The following BMP6 variants were observed in gnomAD, a reference collection of about 807,000 sequenced individuals.
The protein encoded by BMP6 is VG-1-R.
In BMP6, 17 loss-of-function variants were observed where a neutral mutation model predicts 54.1. The ratio of observed to expected loss-of-function variants is 0.31; its 90% CI spans 0.22 to 0.47. The LOEUF (loss-of-function observed/expected upper bound fraction) is 0.47, where lower values mean the gene tolerates loss of function less well. Among genes scored for constraint, BMP6 ranks in the 20% least tolerant of loss-of-function variants. The pLI is 1.00. For synonymous variants in BMP6, 328 were observed against 291.2 expected (o/e 1.13, Z -1.28); for missense variants, 720 against 690.4 (o/e 1.04, Z -0.48).
chr6:7,876,646 T>A (rs1759622028), intron 4 of BMP6, among the ~76,000 whole-genome samples: 3 of 152,246 alleles, frequency 2.0e-5, no homozygotes, highest in African/African-American at 7.2e-5. Flanking sequence ...GTATAACTAA[T>A]CTGTTAAGTA....
intron 4 of BMP6, among the ~76,000 whole-genome samples, chr6:7,874,475 G>A (rs1383607595): frequency 6.6e-6 from 1 of 152,182 alleles, no homozygotes; most frequent in African/African-American, 2.4e-5. Flanking sequence ...GAAAGACAAG[G>A]CCAGGCGAGG....
intron 2 of BMP6, among the ~76,000 whole-genome samples, chr6:7,856,595 A>ATTTTTTTTTTTTTTTT (rs70982115): frequency 0.013 from 1,099 of 82,946 alleles, 167 homozygotes; most frequent in African/African-American, 0.043. Context: ...TATCAAGAGC[A>ATTTTTTTTTTTTTTTT]TTTTTTTTTT....
chr6:7,816,615 A>T (rs1351327900), intron 1 of BMP6, among the ~76,000 whole-genome samples: 1 of 152,198 alleles, frequency 6.6e-6, no homozygotes, highest in African/African-American at 2.4e-5. Context: ...AGCCCCATCC[A>T]TAATTGCTTT....
chr6:7,765,341 A>C (rs551679165), intron 1 of BMP6, among the ~76,000 whole-genome samples: 1 of 152,220 alleles, frequency 6.6e-6, no homozygotes, highest in African/African-American at 2.4e-5. Flanking sequence ...AGGAGGGACA[A>C]TGTAATAATG....
In BMP6 at chr6:7,862,174, ATCT is replaced by A. The variant is rs375763103; in HGVS notation, c.1007-118_1007-116del. ...GCCAGGCAAGGTTTGGGGATACATG[ATCT>A]TCTTCTTCACACTCATTCTTAAGGA... On this transcript the variant is annotated intron_variant, in intron 3 of 6. Coordinates refer to ENST00000283147, the MANE Select transcript of BMP6 (RefSeq NM_001718.6). 9.2e-4 allele frequency: 1,064 copies of A among 1,154,072 alleles called. 6 individuals are homozygous for A. The African/African-American group carries it at 0.014, about 15-fold the overall frequency. The allele number at this position is 1,154,072 out of a possible 1,614,324, so 71.5% of individuals were successfully genotyped here.
intron 1 of BMP6, among the ~76,000 whole-genome samples, chr6:7,736,532 A>G (rs945822320): frequency 5.3e-5 from 8 of 152,236 alleles, no homozygotes; most frequent in Non-Finnish European, 1.0e-4. Context: ...TTTAGATCAG[A>G]GTAAAACTAA....
chr6:7,732,756 A>G (rs1157626879), intron 1 of BMP6, among the ~76,000 whole-genome samples: 4 of 152,168 alleles, frequency 2.6e-5, no homozygotes, highest in African/African-American at 4.8e-5. Flanking sequence ...CCTCACTCCT[A>G]TTTACGAAGG....
At chr6:7,835,727 C>T (rs1272752035) in intron 1 of BMP6, among the ~76,000 whole-genome samples, 1 of 152,190 alleles carries the variant, frequency 6.6e-6, no homozygotes, top group Admixed American at 6.5e-5. Flanking sequence ...TTCTTCCCAA[C>T]GCATGTTTAT....
chr6:7,857,897 A>G (rs2113272006), intron 2 of BMP6, among the ~76,000 whole-genome samples: 1 of 152,264 alleles, frequency 6.6e-6, no homozygotes, highest in South Asian at 2.1e-4. Context: ...TCGTGGTGTG[A>G]ACATATTAGT....
chr6:7,756,178 C>T (rs1251817494), intron 1 of BMP6, among the ~76,000 whole-genome samples: 1 of 152,068 alleles, frequency 6.6e-6, no homozygotes, highest in Non-Finnish European at 1.5e-5. Context: ...TTCTTTATAT[C>T]TCACGCTTCA....
chr6:7,773,561 C>G (rs1000190017), intron 1 of BMP6, among the ~76,000 whole-genome samples: 11 of 152,184 alleles, frequency 7.2e-5, no homozygotes, highest in African/African-American at 2.2e-4. Context: ...ATGACTCATA[C>G]AATAGCAGAA....
intron 2 of BMP6, among the ~76,000 whole-genome samples, chr6:7,856,817 C>T (rs1433471755): frequency 6.6e-6 from 1 of 151,502 alleles, no homozygotes; most frequent in Non-Finnish European, 1.5e-5. Flanking sequence ...GGGATGGTCT[C>T]GATCTCCTGA....
intron 1 of BMP6, among the ~76,000 whole-genome samples, chr6:7,782,353 C>A (rs1023417934): frequency 6.6e-6 from 1 of 152,138 alleles, no homozygotes; most frequent in Non-Finnish European, 1.5e-5. Context: ...CTTTGGTTGA[C>A]AGAGTTCTGG....
chr6:7,754,225 C>T (rs1757473049), intron 1 of BMP6, among the ~76,000 whole-genome samples: 1 of 152,064 alleles, frequency 6.6e-6, no homozygotes, highest in African/African-American at 2.4e-5. Context: ...TCAAGCGATC[C>T]TCCCATCTCA....
rs1404526241 is a variant in BMP6, at chr6:7,881,551, T to C, written c.*1208T>C. 1 of 152,376 alleles carries C rather than the reference T, an allele frequency of 6.6e-6. No individual in the cohort carries two copies. Among genetic ancestry groups the C allele is most frequent in the Non-Finnish European group, 1.5e-5 (1 of 68,048 alleles). 9.4% of individuals were successfully genotyped at this position (152,376 alleles called of 1,614,324 possible). ...AAAAGAGTTTATTTAGAAAGTATCATAGTGTAAACAAACAAATTGTACCAC... is the reference window on the plus strand; with the variant it reads ...AAAAGAGTTTATTTAGAAAGTATCACAGTGTAAACAAACAAATTGTACCAC... On this transcript the variant is annotated 3_prime_UTR_variant, in exon 7 of 7. Transcript: ENST00000283147.
chr6:7,808,012 G>T (rs1013703152), intron 1 of BMP6, among the ~76,000 whole-genome samples: 1 of 142,424 alleles, frequency 7.0e-6, no homozygotes, highest in African/African-American at 2.6e-5. Flanking sequence ...TCTCCACTTC[G>T]CGGGTTCACG....
At chr6:7,859,514 C>T (rs1759301954) in intron 2 of BMP6, among the ~76,000 whole-genome samples, 1 of 152,070 alleles carries the variant, frequency 6.6e-6, no homozygotes. Flanking sequence ...CGTGCTTCCT[C>T]TGGGACCGGG....
chr6:7,877,014 C>T (rs188241599), intron 4 of BMP6, among the ~76,000 whole-genome samples: 8 of 152,142 alleles, frequency 5.3e-5, no homozygotes, highest in African/African-American at 1.9e-4. Flanking sequence ...CCTTGCATTC[C>T]AGCCATCCTC....
chr6:7,773,327 C>T (rs1174229718), intron 1 of BMP6, among the ~76,000 whole-genome samples: 1 of 152,130 alleles, frequency 6.6e-6, no homozygotes, highest in African/African-American at 2.4e-5. Context: ...TCCCATATTC[C>T]AAAAGGAATT....
Sources: gnomAD v4.1 joint callset for allele counts (sites outside exome capture counted in the v4.1 genomes callset) on GRCh38, gnomAD v4.1.1 for gene constraint, MANE v1.5 for transcripts, NCBI Gene and HGNC (gene_info 2026-07-23, HGNC 2026-07-21) for gene names.